The following RECK variants were observed in gnomAD, a reference collection of about 807,000 sequenced individuals.
RECK encodes reversion-inducing cysteine-rich protein with Kazal motifs.
In RECK, 69 loss-of-function variants were observed where a neutral mutation model predicts 115.1. The observed-to-expected ratio is 0.60, with a 90% CI of 0.49 to 0.73. RECK has a LOEUF of 0.73. Ranked by LOEUF, RECK falls within the 30% of genes least tolerant of loss-of-function variation. The pLI, the probability that RECK is intolerant of heterozygous loss-of-function variation, is 0.00. For missense variants in RECK, 1,047 were observed against 1,203.7 expected (o/e 0.87, Z 1.93); for synonymous variants, 414 against 419.7 (o/e 0.99, Z 0.17).
In RECK at chr9:36,036,955, C is replaced by T; in HGVS notation, c.-44C>T. 2.3e-6 allele frequency: 3 copies of T among 1,305,406 alleles called. No homozygotes were observed. The highest frequency in any genetic ancestry group is 3.6e-5 in the South Asian group (2 of 56,194). 80.9% of individuals were successfully genotyped at this position (1,305,406 alleles called of 1,614,324 possible). On this transcript the variant is annotated 5_prime_UTR_variant, in exon 1 of 21. Coordinates refer to ENST00000377966, the MANE Select transcript of RECK (RefSeq NM_021111.3). ...AGCGGCGGCAGCGGCTGCGGCCAAG[C>T]TGGGTCCGAGCATCCCGCGGCTCTG...
intron 12 of RECK, among the ~76,000 whole-genome samples, chr9:36,104,768 C>G (rs1188146190): frequency 6.6e-6 from 1 of 152,144 alleles, no homozygotes; most frequent in Non-Finnish European, 1.5e-5. Context: ...CTCAGCCTCC[C>G]AAAGTGCTGG....
chr9:36,100,401 G>A lies in RECK; in HGVS notation c.1156G>A (p.Glu386Lys). Residue 386 changes from glutamate (E) to lysine (K), a missense_variant, in exon 11 of 21, where the codon GAG (glutamate) becomes AAG (lysine). By Grantham distance (56) the Glu-to-Lys change is moderately conservative. Coordinates refer to ENST00000377966, the MANE Select transcript of RECK (RefSeq NM_021111.3). ...QGAMNDMKLWEKGSIKMPFIN... is the reference protein window; with the variant it reads ...QGAMNDMKLWKKGSIKMPFIN... ...AGCCATGAATGACATGAAGTTGTGG[G>A]AGAAAGGAAGCATAAAGATGCCATT... 3 of 1,614,176 alleles carry A rather than the reference G, an allele frequency of 1.9e-6. No individual in the cohort carries two copies. The highest frequency in any genetic ancestry group is 1.7e-6 in the Non-Finnish European group (2 of 1,180,024).
At chr9:36,066,792 G>A in intron 6 of RECK, 1 of 1,288,232 alleles carries the variant, frequency 7.8e-7, no homozygotes, top group Non-Finnish European at 1.0e-6. Flanking sequence ...ATTTTAGTGT[G>A]CTTCCTTCTC....
rs1644931936 is a variant in RECK at position 36,072,633 on chromosome 9, A to AGAGGC, written c.405+7010_405+7014dup. On this transcript the variant is annotated intron_variant, in intron 6 of 20. Transcript: ENST00000377966. Reference sequence around the variant, plus strand: ...TATAGTAAATAGAAGACTATGAATGAGAGGCTTTATAAATGGTAAAATGCT... The same window carrying AGAGGC: ...TATAGTAAATAGAAGACTATGAATGAGAGGCGAGGCTTTATAAATGGTAAAATGCT... 7 of 152,312 alleles carry AGAGGC rather than the reference A, an allele frequency of 4.6e-5. No homozygotes were observed. In the South Asian group the frequency reaches 1.4e-3, roughly 32 times the overall value. 9.4% of individuals were successfully genotyped at this position (152,312 alleles called of 1,614,324 possible).
At chr9:36,112,938 C>A (rs1824120192) in intron 16 of RECK, among the ~76,000 whole-genome samples, 1 of 152,116 alleles carries the variant, frequency 6.6e-6, no homozygotes, top group Admixed American at 6.6e-5. Context: ...GCAGAAGAGA[C>A]AAGAGAAAAG....
Position 36,102,213 on chromosome 9 carries a change from C to G in RECK, c.1418C>G (p.Pro473Arg). The G allele has an allele frequency of 6.2e-7, 1 of 1,610,276 alleles. No homozygotes were observed. Among genetic ancestry groups the G allele is most frequent in the Non-Finnish European group, 8.5e-7 (1 of 1,178,144 alleles). ...SPTDDLKNCI[P>R]LDTYLRPSTL... ...ACAGATGATCTGAAGAATTGTATAC[C>G]TTTGGATACATACCTCAGTAAGTAC... The change falls in exon 12 of 21, where the codon CCT becomes CGT. Residue 473 changes from proline to arginine, a missense_variant. Pro to Arg is a moderately radical substitution (Grantham distance 103). Coordinates refer to ENST00000377966, the MANE Select transcript of RECK (RefSeq NM_021111.3).
chr9:36,061,425 C>CAT (rs1158918370), intron 4 of RECK, among the ~76,000 whole-genome samples: 1 of 149,540 alleles, frequency 6.7e-6, no homozygotes, highest in African/African-American at 2.5e-5. Context: ...CACACACACA[C>CAT]ACACACACAC....
At chr9:36,121,815 C>T (rs921859933) in intron 20 of RECK, 127 bp downstream of exon 20, 3 of 980,400 alleles carry the variant, frequency 3.1e-6, no homozygotes, top group Non-Finnish European at 4.6e-6. Flanking sequence ...TTGGGAAGTT[C>T]AGCGGGACAG....
chr9:36,071,427 T>A (rs1282787149), intron 6 of RECK, among the ~76,000 whole-genome samples: 1 of 152,204 alleles, frequency 6.6e-6, no homozygotes, highest in Non-Finnish European at 1.5e-5. Context: ...TGGCAGACCT[T>A]ACCTGCCATT....
intron 19 of RECK, among the ~76,000 whole-genome samples, chr9:36,121,306 G>A (rs368826174): frequency 3.7e-4 from 56 of 152,140 alleles, no homozygotes; most frequent in African/African-American, 1.3e-3. Flanking sequence ...TTGCAAAAGT[G>A]GTTCTGGTGA....
chr9:36,066,747 T>C, intron 6 of RECK: 1 of 1,245,332 alleles, frequency 8.0e-7, no homozygotes. Flanking sequence ...ACATGATGTC[T>C]GACACTGTCC....
chr9:36,051,572 ACTC>A (rs1334941558), intron 1 of RECK, among the ~76,000 whole-genome samples: 1 of 151,328 alleles, frequency 6.6e-6, no homozygotes. Context: ...GCATGACACT[ACTC>A]CTCCTGTGAT....
Position 36,100,569 on chromosome 9 carries a change from C to T in RECK, c.1298+26C>T, listed in dbSNP as rs763031436. ...GTAAGTTTCTTTCATCCTAACGATT[C>T]TCCAGCTTTAGTTCAGACCCTCCGT... On this transcript the variant is annotated intron_variant, in intron 11 of 20. Transcript: ENST00000377966. 40 of 1,562,486 alleles carry T rather than the reference C, an allele frequency of 2.6e-5. No homozygotes were observed. In the South Asian group the frequency reaches 4.4e-4, roughly 17 times the overall value.
intron 14 of RECK, among the ~76,000 whole-genome samples, chr9:36,108,789 T>G (rs528160533): frequency 5.3e-5 from 8 of 152,178 alleles, no homozygotes; most frequent in African/African-American, 1.9e-4. Flanking sequence ...AATCTTAGAC[T>G]CCACTGCTTC....
At chr9:36,072,107 G>T (rs1822253181) in intron 6 of RECK, among the ~76,000 whole-genome samples, 1 of 152,020 alleles carries the variant, frequency 6.6e-6, no homozygotes, top group African/African-American at 2.4e-5. Flanking sequence ...CCTTTGTTCT[G>T]CCCCTGGATG....
intron 2 of RECK, among the ~76,000 whole-genome samples, chr9:36,053,794 A>T (rs941107453): frequency 3.3e-4 from 50 of 152,344 alleles, no homozygotes; most frequent in African/African-American, 1.1e-3. Context: ...TAGAAATTAT[A>T]TAACTTAGCA....
chr9:36,123,337 C>T lies in RECK; in HGVS notation c.*292C>T, dbSNP rs1386205103. 1 of 292,006 alleles carries T rather than the reference C, an allele frequency of 3.4e-6. No homozygotes were observed. Among genetic ancestry groups the T allele is most frequent in the Non-Finnish European group, 6.4e-6 (1 of 157,248 alleles). The allele number at this position is 292,006 out of a possible 1,614,324, so 18.1% of individuals were successfully genotyped here. On this transcript the variant is annotated 3_prime_UTR_variant, in exon 21 of 21. Transcript: ENST00000377966. ...ACCATAAGGGTCCCCCACTCTAAAG[C>T]AAATTTATCGCTGGGAAATGAGATG... is the stretch of plus-strand genomic sequence containing the variant.
At chr9:36,078,432 G>A (rs1230984674) in intron 6 of RECK, among the ~76,000 whole-genome samples, 1 of 152,130 alleles carries the variant, frequency 6.6e-6, no homozygotes. Flanking sequence ...TATCAGTCTT[G>A]GCACCACTGG....
Position 36,117,091 on chromosome 9 carries a change from G to C in RECK, c.2167G>C (p.Val723Leu). 6.2e-7 allele frequency: 1 copy of C among 1,614,184 alleles called. No homozygotes were observed. Among genetic ancestry groups the C allele is most frequent in the Non-Finnish European group, 8.5e-7 (1 of 1,180,022 alleles). ...CGCGTGTGACCAGGTCCAAGATCCT[G>C]TTTGTGACACAGACCACATGGAGCA... ...QLACDQVQDP[V>L]CDTDHMEHNN... The change falls in exon 17 of 21, where the codon GTT (valine) becomes CTT (leucine). Residue 723 changes from valine (V) to leucine (L), a missense_variant. Val to Leu is a conservative substitution (Grantham distance 32, BLOSUM62 1). Coordinates refer to ENST00000377966, the MANE Select transcript of RECK (RefSeq NM_021111.3).
Sources: allele counts gnomAD v4.1 joint callset (sites outside exome capture counted in the v4.1 genomes callset), GRCh38; gene constraint gnomAD v4.1.1; transcripts MANE v1.5; gene names NCBI Gene and HGNC (gene_info 2026-07-23, HGNC 2026-07-21).